LIN54: variants seen among roughly 807,000 people sequenced by gnomAD.
LIN54 encodes lin-54 DREAM MuvB core complex component, also known as protein lin-54 homolog.
LIN54 carries 9 observed loss-of-function variants against 78.7 expected under a neutral mutation model. That is an observed-to-expected ratio of 0.11 (90% CI 0.07 to 0.20). The LOEUF is 0.20. LIN54 is among the 10% of genes least tolerant of loss of function. LIN54 has a pLI of 1.00. For missense variants in LIN54, 573 were observed against 889.9 expected (o/e 0.64, Z 4.53); for synonymous variants, 269 against 318.4 (o/e 0.84, Z 1.65).
At chr4:82,950,853 A>C (rs1723790889) in intron 4 of LIN54, among the ~76,000 whole-genome samples, 1 of 152,168 alleles carries the variant, frequency 6.6e-6, no homozygotes, top group Non-Finnish European at 1.5e-5. Flanking sequence ...AGACTTACCT[A>C]AAAGAAAAAG....
chr4:82,941,650 G>A (rs990283052), intron 5 of LIN54, among the ~76,000 whole-genome samples: 1 of 152,108 alleles, frequency 6.6e-6, no homozygotes, highest in African/African-American at 2.4e-5. Flanking sequence ...GGAGTGATCT[G>A]GAGTGACAGC....
intron 1 of LIN54, among the ~76,000 whole-genome samples, chr4:82,991,112 T>C (rs989952388): frequency 7.3e-6 from 1 of 137,532 alleles, no homozygotes; most frequent in Non-Finnish European, 1.5e-5. Flanking sequence ...AGTGCACCAC[T>C]GTACTCCAGC....
chr4:82,978,097 A>AT (rs11398591), intron 3 of LIN54, among the ~76,000 whole-genome samples: 151,708 of 152,340 alleles, frequency 1, 75,539 homozygotes, highest in Middle Eastern at 1. Flanking sequence ...TGGACCAGAA[A>AT]TTCAAAGTCA....
intron 1 of LIN54, among the ~76,000 whole-genome samples, chr4:83,003,821 T>C (rs1729067145): frequency 6.6e-6 from 1 of 152,106 alleles, no homozygotes; most frequent in Admixed American, 6.5e-5. Flanking sequence ...CTACTGCACC[T>C]GACCTAATTT....
At chr4:82,992,191 T>C (rs1727777093) in intron 1 of LIN54, among the ~76,000 whole-genome samples, 1 of 152,208 alleles carries the variant, frequency 6.6e-6, no homozygotes, top group Admixed American at 6.5e-5. Flanking sequence ...ATTTGATAGT[T>C]TGTGTCTTTG....
intron 7 of LIN54, 91 bp from the exon 8 acceptor site, chr4:82,938,595 C>T (rs1364490648): frequency 1.4e-6 from 1 of 711,818 alleles, no homozygotes; most frequent in Non-Finnish European, 2.4e-6. Context: ...CAAATTCATC[C>T]ATTAAGATAA....
intron 5 of LIN54, among the ~76,000 whole-genome samples, chr4:82,943,861 AT>A (rs35020887): frequency 0.02 from 2,592 of 128,122 alleles, 42 homozygotes; most frequent in African/African-American, 0.083. Context: ...GTCAATACTG[AT>A]TTTTTTTTTT....
intron 1 of LIN54, among the ~76,000 whole-genome samples, chr4:82,992,936 G>A (rs544073546): frequency 6.6e-6 from 1 of 151,280 alleles, no homozygotes. Flanking sequence ...GCTGAGGCAG[G>A]AGAATGGCGT....
intron 1 of LIN54, among the ~76,000 whole-genome samples, chr4:83,000,827 C>CTTTTTTTCTTTTCTTT (rs528409899): frequency 1.7e-5 from 2 of 120,540 alleles, no homozygotes; most frequent in African/African-American, 6.5e-5. Flanking sequence ...GCAATAAATT[C>CTTTTTTTCTTTTCTTT]TTTTTTTTTT....
chr4:82,934,642 G>A (rs1345907874), intron 11 of LIN54, among the ~76,000 whole-genome samples: 1 of 152,146 alleles, frequency 6.6e-6, no homozygotes, highest in African/African-American at 2.4e-5. Flanking sequence ...GCACTGAACT[G>A]GAGGACATGC....
chr4:83,010,408 T>TGGCCCCCCCCC, intron 1 of LIN54, 76 bp downstream of exon 1: 1 of 171,588 alleles, frequency 5.8e-6, no homozygotes, highest in Non-Finnish European at 1.1e-5. Context: ...CGCAATTCTT[T>TGGCCCCCCCCC]CCCCACCCAC....
chr4:82,991,467 T>C (rs1270887705), intron 1 of LIN54, among the ~76,000 whole-genome samples: 4 of 152,206 alleles, frequency 2.6e-5, no homozygotes, highest in African/African-American at 9.6e-5. Flanking sequence ...ATACAGTCCA[T>C]GTTGTCTGTA....
At chr4:82,979,939 CA>C (rs70943176) in intron 2 of LIN54, among the ~76,000 whole-genome samples, 136 of 49,824 alleles carry the variant, frequency 2.7e-3, no homozygotes, top group Admixed American at 0.016. Context: ...GACTCTGTCT[CA>C]AAAAAAAAAA....
chr4:82,998,167 G>A (rs1263437615), intron 1 of LIN54, among the ~76,000 whole-genome samples: 1 of 151,490 alleles, frequency 6.6e-6, no homozygotes, highest in African/African-American at 2.4e-5. Context: ...AAATCTAGGT[G>A]AACAGCTGTT....
intron 5 of LIN54, among the ~76,000 whole-genome samples, chr4:82,940,513 C>T (rs1455286683): frequency 1.3e-5 from 2 of 152,186 alleles, no homozygotes; most frequent in African/African-American, 4.8e-5. Flanking sequence ...GTGCCTCAGC[C>T]TCCCAAGTAC....
chr4:82,988,984 C>T (rs879918062), intron 1 of LIN54, among the ~76,000 whole-genome samples: 3 of 151,968 alleles, frequency 2.0e-5, no homozygotes, highest in Non-Finnish European at 2.9e-5. Context: ...GTCAGGAGAT[C>T]GAGACCATCC....
At chr4:82,941,810 G>C (rs1009176213) in intron 5 of LIN54, among the ~76,000 whole-genome samples, 2 of 152,144 alleles carry the variant, frequency 1.3e-5, no homozygotes, top group Non-Finnish European at 2.9e-5. Flanking sequence ...GAAAATGACA[G>C]TTATTAGAAC....
At chr4:82,939,431 C>T in intron 7 of LIN54, 108 bp downstream of exon 7, 1 of 912,794 alleles carries the variant, frequency 1.1e-6, no homozygotes, top group South Asian at 1.4e-5. Context: ...TGGAAAGTGC[C>T]ACTTCAATAC....
At chr4:82,985,244 T>C (rs1727024825) in intron 1 of LIN54, among the ~76,000 whole-genome samples, 1 of 152,206 alleles carries the variant, frequency 6.6e-6, no homozygotes, top group Admixed American at 6.5e-5. Context: ...TTTTTTCCTC[T>C]CATTGACAGA....
Sources: allele counts gnomAD v4.1 joint callset (sites outside exome capture counted in the v4.1 genomes callset), GRCh38; gene constraint gnomAD v4.1.1; transcripts MANE v1.5; gene names NCBI Gene and HGNC (gene_info 2026-07-23, HGNC 2026-07-21).